Variants in RGMB observed in about 807,000 individuals in gnomAD.
The protein encoded by RGMB is repulsive guidance molecule BMP co-receptor b, also known as repulsive guidance molecule B.
Under a neutral mutation model 26.9 loss-of-function variants are expected in RGMB, and 16 were observed. The observed-to-expected ratio is 0.60, with a 90% CI of 0.40 to 0.90. RGMB has a LOEUF of 0.90. RGMB is among the 40% of genes least tolerant of loss of function. The pLI, the probability that RGMB is intolerant of heterozygous loss-of-function variation, is 0.00. For missense variants in RGMB, 512 were observed against 573.3 expected, an observed-to-expected ratio of 0.89 and a Z score of 1.09; for synonymous variants, 225 against 229.3, an observed-to-expected ratio of 0.98 and a Z score of 0.17.
chr5:98,774,085 A>G lies in RGMB; in HGVS notation c.15A>G (p.Ala5=), dbSNP rs952462532. The change falls in exon 1 of 3, where the codon GCA becomes GCG. Residue 5 remains alanine, a synonymous_variant. Transcript: ENST00000513185. ...CATGGACGGGCATGGGCTTGAGAGCAGCACCTTCCAGCGCCGCCGCTGCCG... is the reference window on the plus strand; with the variant it reads ...CATGGACGGGCATGGGCTTGAGAGCGGCACCTTCCAGCGCCGCCGCTGCCG... MGLR[A]APSSAAAAAA... is the part of the protein sequence containing the mutation. 9 of 1,104,272 alleles carry G rather than the reference A, an allele frequency of 8.2e-6. No individual in the cohort carries two copies. The highest frequency in any genetic ancestry group is 4.9e-5 in the African/African-American group (3 of 61,126). 68.4% of individuals were successfully genotyped at this position (1,104,272 alleles called of 1,614,324 possible). A position where few individuals can be genotyped will look rare whatever the true frequency, so the allele number is the denominator to read the frequency against.
At position 98,793,433 on chromosome 5, in the gene RGMB, A is replaced by G; in HGVS notation, c.994A>G (p.Ile332Val). The G allele has an allele frequency of 6.2e-7, 1 of 1,612,334 alleles. No homozygotes were observed. The highest frequency in any genetic ancestry group is 8.5e-7 in the Non-Finnish European group (1 of 1,179,284). Residue 332 changes from isoleucine to valine, a missense_variant, in exon 3 of 3, where the codon ATC becomes GTC. Ile to Val is a conservative substitution (Grantham distance 29). Transcript: ENST00000513185. Reference protein sequence around the residue: ...IDDGQGQVSAILGHSLPRTSL... With the variant: ...IDDGQGQVSAVLGHSLPRTSL... The stretch of plus-strand genomic sequence containing the variant: ...TGACGGGCAGGGCCAGGTGTCTGCC[A>G]TCCTGGGACACAGCCTGCCTCGCAC...
In RGMB at chr5:98,773,758, T is replaced by A; in HGVS notation, c.-313T>A. 1 of 383,332 alleles carries A rather than the reference T, an allele frequency of 2.6e-6. No homozygotes were observed. 23.7% of individuals were successfully genotyped at this position (383,332 alleles called of 1,614,324 possible). ...GAGCCCACGCTGGCTGGGGCCGGGG[T>A]GCCGGCGCGCTCGGGACTCGTCTCA... On this transcript the variant is annotated 5_prime_UTR_variant, in exon 1 of 3. Transcript: ENST00000513185.
chr5:98,773,996 A>C lies in RGMB; in HGVS notation c.-75A>C. ...AAGCGCGCCCCCCGGCCCATGCCGC[A>C]GCCACGGGCCCAGACCCGCCACGGC... is the stretch of plus-strand genomic sequence containing the variant. On this transcript the variant is annotated 5_prime_UTR_variant, in exon 1 of 3. Coordinates refer to ENST00000513185, the MANE Select transcript of RGMB (RefSeq NM_001366508.1). 1 of 636,158 alleles carries C rather than the reference A, an allele frequency of 1.6e-6. No individual in the cohort carries two copies. The highest frequency in any genetic ancestry group is 2.8e-6 in the Non-Finnish European group (1 of 354,622). The allele number at this position is 636,158 out of a possible 1,614,324, so 39.4% of individuals were successfully genotyped here.
chr5:98,774,138 C>G lies in RGMB; in HGVS notation c.68C>G (p.Pro23Arg). 6.7e-7 allele frequency: 1 copy of G among 1,483,006 alleles called. No homozygotes were observed. The highest frequency in any genetic ancestry group is 1.5e-5 in the African/African-American group (1 of 68,818). 91.9% of individuals were successfully genotyped at this position (1,483,006 alleles called of 1,614,324 possible). The change falls in exon 1 of 3, where the codon CCC (proline) becomes CGC (arginine). Residue 23 changes from proline (P) to arginine (R), a missense_variant. Coordinates refer to ENST00000513185, the MANE Select transcript of RGMB (RefSeq NM_001366508.1). ...AAAEVEQRRS[P>R]GLCPPPLELL... is the part of the protein sequence containing the mutation. ...GCCGAGGTTGAGCAGCGCCGCAGCC[C>G]CGGGCTCTGCCCCCCGCCGCTGGAG...
chr5:98,776,087 T>C (rs770345825), intron 1 of RGMB, among the ~76,000 whole-genome samples: 1 of 152,214 alleles, frequency 6.6e-6, no homozygotes, highest in Admixed American at 6.5e-5. Flanking sequence ...TTTCTTTTAT[T>C]ATAAACTGGT....
upstream of RGMB, chr5:98,769,189 C>CGCCCCCAG (rs1277136462): frequency 6.6e-6 from 1 of 152,224 alleles, no homozygotes; most frequent in East Asian, 1.9e-4. Flanking sequence ...TACGCCCCCA[C>CGCCCCCAG]GCCCCCAGCC....
intron 2 of RGMB, among the ~76,000 whole-genome samples, chr5:98,786,926 G>T (rs566116376): frequency 2.9e-4 from 44 of 152,090 alleles, no homozygotes; most frequent in Non-Finnish European, 5.4e-4. Context: ...GAACATGGGG[G>T]TTCTTTCATG....
At chr5:98,774,260 C>A in intron 1 of RGMB, 54 bp downstream of exon 1, 2 of 1,339,416 alleles carry the variant, frequency 1.5e-6, no homozygotes, top group South Asian at 3.6e-5. Context: ...GCTTTGTTCC[C>A]AAATAGCCCC....
chr5:98,790,674 G>A (rs748520729), intron 2 of RGMB, among the ~76,000 whole-genome samples: 3 of 152,130 alleles, frequency 2.0e-5, no homozygotes, highest in Non-Finnish European at 2.9e-5. Context: ...GTTTGGAATC[G>A]GTTATCTTTG....
intron 1 of RGMB, among the ~76,000 whole-genome samples, chr5:98,776,351 C>T (rs1226515103): frequency 6.6e-6 from 1 of 152,122 alleles, no homozygotes; most frequent in Non-Finnish European, 1.5e-5. Context: ...AAAAGAGTAC[C>T]TTTAGTTGCT....
At chr5:98,769,139 A>G (rs1333884261), upstream of RGMB, among the ~76,000 whole-genome samples, 1 of 152,016 alleles carries the variant, frequency 6.6e-6, no homozygotes, top group Non-Finnish European at 1.5e-5. Flanking sequence ...GCGAAGAGAG[A>G]ACTGATCCAG....
upstream of RGMB, chr5:98,772,752 G>C (rs901434969): frequency 6.6e-6 from 1 of 152,174 alleles, no homozygotes; most frequent in Non-Finnish European, 1.5e-5. Flanking sequence ...GAGAAAGTGA[G>C]CTGCCATTGA....
chr5:98,788,382 G>A (rs1006662121), intron 2 of RGMB, among the ~76,000 whole-genome samples: 9 of 152,088 alleles, frequency 5.9e-5, no homozygotes, highest in African/African-American at 2.2e-4. Flanking sequence ...TTACATCCCA[G>A]TTCATTGAGT....
intron 1 of RGMB, among the ~76,000 whole-genome samples, chr5:98,778,259 A>T (rs1267177848): frequency 6.6e-6 from 1 of 152,202 alleles, no homozygotes; most frequent in East Asian, 1.9e-4. Context: ...TTAAGTCTTT[A>T]TCAGATGGAG....
chr5:98,786,247 C>T (rs191942307), intron 2 of RGMB, among the ~76,000 whole-genome samples: 3 of 152,302 alleles, frequency 2.0e-5, no homozygotes, highest in Non-Finnish European at 4.4e-5. Flanking sequence ...CAGAATGCCC[C>T]CCATTTGTAA....
At chr5:98,774,648 G>C (rs920725414) in intron 1 of RGMB, among the ~76,000 whole-genome samples, 1 of 152,240 alleles carries the variant, frequency 6.6e-6, no homozygotes, top group Non-Finnish European at 1.5e-5. Context: ...AGTTGGGGGT[G>C]GCGGCGAGGC....
chr5:98,770,935 G>T (rs539311566), upstream of RGMB: 428 of 377,588 alleles, frequency 1.1e-3, no homozygotes, highest in Middle Eastern at 3.4e-3. Context: ...AGAAAGGATT[G>T]CACAAATCGC....
intron 2 of RGMB, chr5:98,792,838 T>G (rs1194613263): frequency 3.0e-6 from 1 of 338,698 alleles, no homozygotes; most frequent in Non-Finnish European, 5.4e-6. Flanking sequence ...CTCTTTCTCT[T>G]AGGAAAGTAA....
chr5:98,793,001 T>C, intron 2 of RGMB, 84 bp from the exon 3 acceptor site: 1 of 1,116,484 alleles, frequency 9.0e-7, no homozygotes, highest in Admixed American at 2.8e-5. Flanking sequence ...AGCTTCAAAA[T>C]GGCGGGGAGC....
Sources: allele counts gnomAD v4.1 joint callset (sites outside exome capture counted in the v4.1 genomes callset), GRCh38; gene constraint gnomAD v4.1.1; transcripts MANE v1.5; gene names NCBI Gene and HGNC (gene_info 2026-07-23, HGNC 2026-07-21).